SERINC5: variants seen among roughly 807,000 people sequenced by gnomAD.
SERINC5 encodes the protein serine incorporator 5.
SERINC5 carries 41 observed loss-of-function variants against 63.1 expected under a neutral mutation model. The ratio of observed to expected loss-of-function variants is 0.65; its 90% CI spans 0.51 to 0.84. The LOEUF (loss-of-function observed/expected upper bound fraction) is 0.84, where lower values mean the gene tolerates loss of function less well. Ranked by LOEUF, SERINC5 falls within the 40% of genes least tolerant of loss-of-function variation. The pLI is 0.00. For missense variants in SERINC5, 523 were observed against 573.0 expected, an observed-to-expected ratio of 0.91 and a Z score of 0.89; for synonymous variants, 222 against 215.2, an observed-to-expected ratio of 1.03 and a Z score of -0.28.
intron 1 of SERINC5, among the ~76,000 whole-genome samples, chr5:80,249,411 G>C (rs1752304059): frequency 6.6e-6 from 1 of 152,110 alleles, no homozygotes; most frequent in Non-Finnish European, 1.5e-5. Flanking sequence ...AGTGGTGGGT[G>C]CATGTTAAAA....
rs539903432 is a variant in SERINC5, at chr5:80,237,337, T to TTC, written c.27+18557_27+18558dup. On this transcript the variant is annotated intron_variant, in intron 1 of 11. Coordinates refer to ENST00000507668, the MANE Select transcript of SERINC5 (RefSeq NM_001174072.3). ...ATGCTAAGAAGAGAAGAAGAGGGCT[T>TTC]TCTCTCTCTTTTTTTTTCATGTCTT... 2.5e-3 allele frequency among the ~76,000 whole-genome samples: 307 copies of TTC among 122,680 alleles called. 1 individual carries two copies. The highest frequency in any genetic ancestry group is 5.2e-3 in the Admixed American group (58 of 11,212). The allele number at this position is 122,680 out of a possible 152,430, so 80.5% of individuals were successfully genotyped here.
intron 7 of SERINC5, among the ~76,000 whole-genome samples, chr5:80,162,553 T>G (rs1056669018): frequency 3.9e-5 from 6 of 152,108 alleles, no homozygotes; most frequent in African/African-American, 1.4e-4. Context: ...TGTAAATTTT[T>G]TGTAGAGATG....
intron 5 of SERINC5, among the ~76,000 whole-genome samples, chr5:80,173,820 TAAAAC>T (rs1747839688): frequency 6.6e-6 from 1 of 151,994 alleles, no homozygotes; most frequent in African/African-American, 2.4e-5. Flanking sequence ...TTTCTGCACT[TAAAAC>T]AGATTATATT....
chr5:80,117,761 A>G (rs1057467809), intron 11 of SERINC5, among the ~76,000 whole-genome samples: 1 of 151,798 alleles, frequency 6.6e-6, no homozygotes, highest in Admixed American at 6.6e-5. Flanking sequence ...CTCCCTCCAA[A>G]GGATCTAGGG....
intron 11 of SERINC5, among the ~76,000 whole-genome samples, chr5:80,129,615 G>A (rs1043819196): frequency 6.6e-6 from 1 of 152,164 alleles, no homozygotes; most frequent in African/African-American, 2.4e-5. Flanking sequence ...GGCAACAGCT[G>A]TCTAAATTAT....
chr5:80,120,924 G>T (rs778301639), intron 11 of SERINC5, among the ~76,000 whole-genome samples: 5 of 152,076 alleles, frequency 3.3e-5, no homozygotes, highest in South Asian at 2.1e-4. Flanking sequence ...TTTCGCTCTT[G>T]TTGTCCAGGC....
intron 2 of SERINC5, among the ~76,000 whole-genome samples, chr5:80,202,463 CTGGGAAGGGGG>C (rs1339435929): frequency 3.3e-5 from 5 of 151,954 alleles, no homozygotes; most frequent in African/African-American, 1.2e-4. Context: ...GGCTGTGGGG[CTGGGAAGGGGG>C]TGGATGATGA....
chr5:80,211,896 G>C (rs545370565), intron 1 of SERINC5, among the ~76,000 whole-genome samples: 22 of 152,310 alleles, frequency 1.4e-4, no homozygotes, highest in African/African-American at 5.3e-4. Flanking sequence ...GCTTAGAACA[G>C]TTCTGTCACA....
chr5:80,195,199 T>G (rs557150336), intron 2 of SERINC5, among the ~76,000 whole-genome samples: 7 of 150,680 alleles, frequency 4.6e-5, no homozygotes, highest in Non-Finnish European at 7.4e-5. Context: ...GGCAGGAGAA[T>G]CCCTTGAACC....
intron 1 of SERINC5, among the ~76,000 whole-genome samples, chr5:80,220,935 A>G (rs1401789551): frequency 6.6e-6 from 1 of 152,086 alleles, no homozygotes; most frequent in African/African-American, 2.4e-5. Context: ...TGGGGTCTTG[A>G]GCAGCGTGGA....
At chr5:80,222,479 C>CA (rs112908819) in intron 1 of SERINC5, among the ~76,000 whole-genome samples, 16,410 of 152,038 alleles carry the variant, frequency 0.11, 999 homozygotes, top group Middle Eastern at 0.14. Flanking sequence ...AAAACTGGAC[C>CA]ACGTGGGAAC....
At chr5:80,159,605 G>T (rs1337556669) in intron 7 of SERINC5, among the ~76,000 whole-genome samples, 1 of 152,146 alleles carries the variant, frequency 6.6e-6, no homozygotes, top group Non-Finnish European at 1.5e-5. Context: ...GCCTCAGGAT[G>T]GGGGCTGGTC....
At chr5:80,128,115 G>T (rs1304437502) in intron 11 of SERINC5, among the ~76,000 whole-genome samples, 1 of 152,000 alleles carries the variant, frequency 6.6e-6, no homozygotes, top group Non-Finnish European at 1.5e-5. Flanking sequence ...TACTATAATG[G>T]TTACAAAACT....
In SERINC5 at chr5:80,181,416, TTGTGTG is replaced by T. The variant is rs70982028; in HGVS notation, c.196-3358_196-3353del. On this transcript the variant is annotated intron_variant, in intron 2 of 11. Transcript: ENST00000507668. ...CATGCACCACCAAGCTCAGCTAATT[TTGTGTG>T]TGTGTGTGTGTGTGTGTGTGTGTAC... 1.2e-4 allele frequency among the ~76,000 whole-genome samples: 17 copies of T among 145,444 alleles called. 1 individual carries two copies. The highest frequency in any genetic ancestry group is 3.5e-3 in the Middle Eastern group (1 of 286).
At chr5:80,199,681 A>G (rs1749711553) in intron 2 of SERINC5, among the ~76,000 whole-genome samples, 1 of 152,142 alleles carries the variant, frequency 6.6e-6, no homozygotes, top group African/African-American at 2.4e-5. Context: ...CTCTCCCTCT[A>G]ACGTCTCAAT....
chr5:80,187,749 C>A (rs997864888), intron 2 of SERINC5, among the ~76,000 whole-genome samples: 4 of 152,138 alleles, frequency 2.6e-5, no homozygotes, highest in Non-Finnish European at 5.9e-5. Context: ...AAAAAGCATG[C>A]AAAGACTGAG....
At chr5:80,113,082 T>A (rs76939420) in intron 12 of SERINC5, among the ~76,000 whole-genome samples, 6,975 of 152,328 alleles carry the variant, frequency 0.046, 528 homozygotes, top group African/African-American at 0.16. Flanking sequence ...TTTTCCAATA[T>A]AAATAATTTT....
chr5:80,250,122 A>C (rs772071177), intron 1 of SERINC5, among the ~76,000 whole-genome samples: 41 of 152,218 alleles, frequency 2.7e-4, no homozygotes, highest in Admixed American at 1.6e-3. Context: ...TCTGCTTATA[A>C]GAAGAGAGGA....
At chr5:80,163,268 A>G (rs958460886) in intron 7 of SERINC5, among the ~76,000 whole-genome samples, 1 of 152,182 alleles carries the variant, frequency 6.6e-6, no homozygotes, top group African/African-American at 2.4e-5. Context: ...ATATAGAATC[A>G]CATCATCAAC....
Sources: allele counts gnomAD v4.1 joint callset (sites outside exome capture counted in the v4.1 genomes callset), GRCh38; gene constraint gnomAD v4.1.1; transcripts MANE v1.5; gene names NCBI Gene and HGNC (gene_info 2026-07-23, HGNC 2026-07-21).